KCNIP4: variants seen among roughly 807,000 people sequenced by gnomAD.
KCNIP4 encodes Kv channel-interacting protein 4.
In KCNIP4, 12 loss-of-function variants were observed where a neutral mutation model predicts 34.0. That is an observed-to-expected ratio of 0.35 (90% CI 0.23 to 0.57). The LOEUF is 0.57. Among genes scored for constraint, KCNIP4 ranks in the 20% least tolerant of loss-of-function variants. The pLI is 0.83. For missense variants in KCNIP4, 238 were observed against 311.7 expected (o/e 0.76, Z 1.78); for synonymous variants, 124 against 102.2 (o/e 1.21, Z -1.29).
chr4:21,439,430 G>T (rs1338213372), intron 1 of KCNIP4, among the ~76,000 whole-genome samples: 1 of 152,156 alleles, frequency 6.6e-6, no homozygotes, highest in Non-Finnish European at 1.5e-5. Flanking sequence ...ATAATTCACT[G>T]ATAGTTTCAA....
At chr4:21,830,569 G>C (rs1052057611) in intron 1 of KCNIP4, among the ~76,000 whole-genome samples, 3 of 152,026 alleles carry the variant, frequency 2.0e-5, no homozygotes, top group Non-Finnish European at 2.9e-5. Flanking sequence ...AGCTACTCAG[G>C]AAGCTGTGGC....
intron 1 of KCNIP4, among the ~76,000 whole-genome samples, chr4:20,969,109 T>C (rs6843663): frequency 0.023 from 3,559 of 152,282 alleles, 69 homozygotes; most frequent in Non-Finnish European, 0.039. Context: ...ATACTTCATC[T>C]GGTACAAAAG....
intron 1 of KCNIP4, among the ~76,000 whole-genome samples, chr4:21,422,370 T>G (rs1725549877): frequency 6.6e-6 from 1 of 151,972 alleles, no homozygotes; most frequent in African/African-American, 2.4e-5. Context: ...CTGGCTGATT[T>G]TTGTGTTTTT....
chr4:20,970,118 T>G (rs973698673), intron 1 of KCNIP4, among the ~76,000 whole-genome samples: 1 of 152,046 alleles, frequency 6.6e-6, no homozygotes, highest in East Asian at 1.9e-4. Flanking sequence ...ATTTTTTGTA[T>G]TTTTAGTAAA....
intron 1 of KCNIP4, among the ~76,000 whole-genome samples, chr4:21,326,305 T>TATAC (rs1553861432): frequency 6.7e-6 from 1 of 150,104 alleles, no homozygotes; most frequent in South Asian, 2.1e-4. Flanking sequence ...TATATATATA[T>TATAC]ACATATACGC....
chr4:21,234,109 CGTATATT>C lies in KCNIP4; in HGVS notation c.62-351407_62-351401del, dbSNP rs1367169566. 5.1e-5 allele frequency among the ~76,000 whole-genome samples: 5 copies of C among 98,878 alleles called. 1 individual carries two copies. Among genetic ancestry groups the C allele is most frequent in the African/African-American group, 2.1e-4 (4 of 19,016 alleles). The allele number at this position is 98,878 out of a possible 152,430, so 64.9% of individuals were successfully genotyped here. A position where few individuals can be genotyped will look rare whatever the true frequency, so the allele number is the denominator to read the frequency against. On this transcript the variant is annotated intron_variant, in intron 1 of 8. Coordinates refer to ENST00000382152, the MANE Select transcript of KCNIP4 (RefSeq NM_025221.6). ...CGTATATTATATATAACATATATAA[CGTATATT>C]ATATATAACATATATAACGTATATT...
chr4:21,427,936 C>A (rs1441997911), intron 1 of KCNIP4, among the ~76,000 whole-genome samples: 2 of 152,098 alleles, frequency 1.3e-5, no homozygotes, highest in East Asian at 3.9e-4. Flanking sequence ...ATTTTCATGG[C>A]AGCCAAAGTA....
At chr4:21,109,011 G>T (rs1256799919) in intron 1 of KCNIP4, among the ~76,000 whole-genome samples, 6 of 152,220 alleles carry the variant, frequency 3.9e-5, no homozygotes, top group Admixed American at 6.5e-5. Context: ...TGCCCCTACT[G>T]GGGGGTGCCT....
intron 1 of KCNIP4, among the ~76,000 whole-genome samples, chr4:21,554,254 A>G (rs1738804797): frequency 6.6e-6 from 1 of 152,072 alleles, no homozygotes; most frequent in Admixed American, 6.6e-5. Flanking sequence ...GAGCCAGGAA[A>G]GTCAAGAAAA....
chr4:21,607,036 T>G (rs912180203), intron 1 of KCNIP4, among the ~76,000 whole-genome samples: 6 of 152,136 alleles, frequency 3.9e-5, no homozygotes, highest in Non-Finnish European at 7.4e-5. Context: ...AACCTTTTTT[T>G]TTTTTTATAA....
In KCNIP4 at chr4:21,678,305, A is replaced by ATTTTTTTTTTTTTTT. The variant is rs59561334; in HGVS notation, c.61+270251_61+270265dup. Among the ~76,000 whole-genome samples, 52 of 117,562 alleles carry ATTTTTTTTTTTTTTT rather than the reference A, an allele frequency of 4.4e-4. 1 individual carries two copies. The highest frequency in any genetic ancestry group is 4.9e-4 in the East Asian group (2 of 4,098). 77.1% of individuals were successfully genotyped at this position (117,562 alleles called of 152,430 possible). A position where few individuals can be genotyped will look rare whatever the true frequency, so the allele number is the denominator to read the frequency against. Reference sequence around the variant, plus strand: ...CCAAGTGTCATAAAATCTTCTTTTGATTTTTTTTTTTTTTTTTTGGTTTCC... The same window carrying ATTTTTTTTTTTTTTT: ...CCAAGTGTCATAAAATCTTCTTTTGATTTTTTTTTTTTTTTTTTTTTTTTTTTTTTTTTGGTTTCC... On this transcript the variant is annotated intron_variant, in intron 1 of 8. Transcript: ENST00000382152.
chr4:21,473,701 G>A (rs1050151933), intron 1 of KCNIP4, among the ~76,000 whole-genome samples: 1 of 150,494 alleles, frequency 6.6e-6, no homozygotes, highest in African/African-American at 2.5e-5. Flanking sequence ...GAGCAACACA[G>A]AAGACTGAGA....
intron 1 of KCNIP4, among the ~76,000 whole-genome samples, chr4:21,101,192 C>A (rs771723917): frequency 3.3e-5 from 5 of 152,124 alleles, no homozygotes; most frequent in African/African-American, 1.2e-4. Context: ...TCAGCTCCCA[C>A]TTATAAGTGA....
intron 3 of KCNIP4, among the ~76,000 whole-genome samples, chr4:20,841,982 C>T (rs539159073): frequency 2.5e-4 from 38 of 152,186 alleles, no homozygotes; most frequent in East Asian, 1.6e-3. Context: ...TTTCTCTAGC[C>T]GCCCCATCGA....
chr4:21,941,825 A>G (rs908130153), intron 1 of KCNIP4, among the ~76,000 whole-genome samples: 5 of 152,240 alleles, frequency 3.3e-5, no homozygotes, highest in Non-Finnish European at 7.3e-5. Flanking sequence ...TGAAGGCCAA[A>G]TGCTCAATAT....
chr4:20,982,018 C>T (rs77098747), intron 1 of KCNIP4, among the ~76,000 whole-genome samples: 2,894 of 152,212 alleles, frequency 0.019, 94 homozygotes, highest in African/African-American at 0.067. Flanking sequence ...AACTCAAATT[C>T]GAAGTTTGAA....
intron 1 of KCNIP4, among the ~76,000 whole-genome samples, chr4:21,493,258 G>A (rs1732561758): frequency 6.6e-6 from 1 of 151,990 alleles, no homozygotes; most frequent in African/African-American, 2.4e-5. Flanking sequence ...TCTAAACACT[G>A]GGGCTTCTTT....
Position 21,235,648 on chromosome 4 carries a change from C to T in KCNIP4, c.62-352939G>A, listed in dbSNP as rs576126375. On this transcript the variant is annotated intron_variant, in intron 1 of 8. Coordinates refer to ENST00000382152, the MANE Select transcript of KCNIP4 (RefSeq NM_025221.6). ...TTGACAACACTCATTTACCTAACAG[C>T]GTATCATAAACTGTCAGCTTATTTG... 8.2e-4 allele frequency among the ~76,000 whole-genome samples: 125 copies of T among 152,258 alleles called. 1 individual carries two copies. The highest frequency in any genetic ancestry group is 2.8e-3 in the African/African-American group (115 of 41,554).
chr4:21,006,057 C>T (rs1030903306), intron 1 of KCNIP4, among the ~76,000 whole-genome samples: 3 of 152,110 alleles, frequency 2.0e-5, no homozygotes, highest in Non-Finnish European at 4.4e-5. Context: ...AGAGAGACTA[C>T]GCATCTCAAC....
Sources: gnomAD v4.1 joint callset for allele counts (sites outside exome capture counted in the v4.1 genomes callset) on GRCh38, gnomAD v4.1.1 for gene constraint, MANE v1.5 for transcripts, NCBI Gene and HGNC (gene_info 2026-07-23, HGNC 2026-07-21) for gene names.